Variants in EZH2 observed in about 807,000 individuals in gnomAD.
The protein encoded by EZH2 is histone-lysine N-methyltransferase EZH2.
EZH2 carries 18 observed loss-of-function variants against 98.4 expected under a neutral mutation model. The observed-to-expected ratio is 0.18, with a 90% confidence interval of 0.13 to 0.27. The LOEUF (loss-of-function observed/expected upper bound fraction) is 0.27. Ranked by LOEUF, EZH2 falls within the 10% of genes least tolerant of loss-of-function variation. The pLI, the probability that EZH2 is intolerant of heterozygous loss-of-function variation, is 1.00. For synonymous variants in EZH2, 338 were observed against 312.3 expected (o/e 1.08, Z -0.87); for missense variants, 470 against 935.1 (o/e 0.50, Z 6.49).
chr7:148,808,923 C>T, intron 19 of EZH2, 148 bp downstream of exon 19: 2 of 622,868 alleles, frequency 3.2e-6, no homozygotes, highest in Non-Finnish European at 5.7e-6. Flanking sequence ...AAATACATAA[C>T]AGGAAAGTGT....
At chr7:148,867,245 G>C (rs1354124786) in intron 1 of EZH2, among the ~76,000 whole-genome samples, 1 of 151,944 alleles carries the variant, frequency 6.6e-6, no homozygotes, top group Admixed American at 6.5e-5. Context: ...AGAATCACTT[G>C]AACCCAGGAG....
chr7:148,879,320 G>A (rs891045259), intron 1 of EZH2, among the ~76,000 whole-genome samples: 2 of 152,044 alleles, frequency 1.3e-5, no homozygotes, highest in African/African-American at 4.8e-5. Context: ...GGAGGACGAG[G>A]CAGGTCAATC....
At chr7:148,841,432 G>A (rs1812407134) in intron 3 of EZH2, among the ~76,000 whole-genome samples, 1 of 152,160 alleles carries the variant, frequency 6.6e-6, no homozygotes. Flanking sequence ...AGGAGCTACA[G>A]AAAGCAACTC....
intron 5 of EZH2, among the ~76,000 whole-genome samples, chr7:148,829,332 A>G (rs1235746262): frequency 2.0e-5 from 3 of 152,190 alleles, no homozygotes; most frequent in African/African-American, 7.2e-5. Context: ...CAGGTACTGT[A>G]GTCCCTAGAG....
intron 1 of EZH2, among the ~76,000 whole-genome samples, chr7:148,873,484 T>A (rs1182278469): frequency 8.8e-6 from 1 of 114,210 alleles, no homozygotes; most frequent in Non-Finnish European, 1.7e-5. Flanking sequence ...AGAGTGAGAC[T>A]CTGTCTCAAA....
At chr7:148,866,665 CAT>C (rs1422592035) in intron 1 of EZH2, among the ~76,000 whole-genome samples, 1 of 144,656 alleles carries the variant, frequency 6.9e-6, no homozygotes, top group African/African-American at 2.5e-5. Context: ...TACGTATATG[CAT>C]ATATATGTAC....
At chr7:148,856,817 TTAAA>T (rs558946733) in intron 1 of EZH2, among the ~76,000 whole-genome samples, 16 of 152,154 alleles carry the variant, frequency 1.1e-4, no homozygotes, top group Non-Finnish European at 1.8e-4. Flanking sequence ...AAATAAGTGA[TTAAA>T]TAAACAACTG....
At chr7:148,880,889 G>A (rs1331863729) in intron 1 of EZH2, among the ~76,000 whole-genome samples, 2 of 152,208 alleles carry the variant, frequency 1.3e-5, no homozygotes, top group Non-Finnish European at 2.9e-5. Flanking sequence ...AGGGAAGAGA[G>A]GGATGCATAA....
chr7:148,837,646 G>A (rs1346345667), intron 3 of EZH2, among the ~76,000 whole-genome samples: 1 of 152,160 alleles, frequency 6.6e-6, no homozygotes, highest in Non-Finnish European at 1.5e-5. Flanking sequence ...AATAATGGAA[G>A]TGAATTCATA....
chr7:148,855,698 G>A (rs1816701409), intron 1 of EZH2, among the ~76,000 whole-genome samples: 1 of 152,030 alleles, frequency 6.6e-6, no homozygotes, highest in African/African-American at 2.4e-5. Context: ...AAGAGTTCAA[G>A]ACCAGCCTGC....
intron 1 of EZH2, among the ~76,000 whole-genome samples, chr7:148,877,272 A>C (rs185854549): frequency 2.0e-3 from 304 of 152,314 alleles, no homozygotes; most frequent in African/African-American, 7.0e-3. Flanking sequence ...AAATGTCTAC[A>C]TTGTTTCAGT....
intron 19 of EZH2, among the ~76,000 whole-genome samples, chr7:148,808,368 G>C (rs734004): frequency 0.66 from 99,892 of 152,190 alleles, 33,209 homozygotes; most frequent in African/African-American, 0.76. Context: ...GCCTGAATAT[G>C]CAAGAACACA....
chr7:148,858,136 C>CA (rs1416717469), intron 1 of EZH2, among the ~76,000 whole-genome samples: 1 of 151,574 alleles, frequency 6.6e-6, no homozygotes, highest in Non-Finnish European at 1.5e-5. Flanking sequence ...ACTAAAAATA[C>CA]AAAAAATTAG....
intron 8 of EZH2, among the ~76,000 whole-genome samples, chr7:148,823,903 C>G (rs1806909312): frequency 6.6e-6 from 1 of 152,142 alleles, no homozygotes; most frequent in Admixed American, 6.5e-5. Context: ...GAGCCAGGTA[C>G]CATTTTAAGT....
intron 1 of EZH2, among the ~76,000 whole-genome samples, chr7:148,863,252 T>C (rs959684263): frequency 6.6e-6 from 1 of 152,062 alleles, no homozygotes; most frequent in African/African-American, 2.4e-5. Flanking sequence ...AGACAATATA[T>C]TCAAATTATA....
At chr7:148,873,225 C>T (rs1819667853) in intron 1 of EZH2, among the ~76,000 whole-genome samples, 1 of 151,928 alleles carries the variant, frequency 6.6e-6, no homozygotes, top group African/African-American at 2.4e-5. Context: ...GGCATGGTGG[C>T]TCATGCCTGT....
intron 1 of EZH2, among the ~76,000 whole-genome samples, chr7:148,859,416 G>A (rs1817339486): frequency 6.6e-6 from 1 of 152,092 alleles, no homozygotes; most frequent in Non-Finnish European, 1.5e-5. Context: ...TGAGGCATGA[G>A]AATCACTTGA....
intron 14 of EZH2, 43 bp from the exon 15 acceptor site, chr7:148,814,180 C>A (rs2129469883): frequency 1.3e-6 from 2 of 1,585,130 alleles, no homozygotes; most frequent in Non-Finnish European, 8.6e-7. Flanking sequence ...TCACCGTATG[C>A]AAAAACTTGC....
At chr7:148,833,065 CATTT>C (rs1358753768) in intron 3 of EZH2, among the ~76,000 whole-genome samples, 1 of 152,196 alleles carries the variant, frequency 6.6e-6, no homozygotes, top group African/African-American at 2.4e-5. Context: ...TTTTCCTATA[CATTT>C]ATTTCCTAGC....
Sources: gnomAD v4.1 joint callset for allele counts (sites outside exome capture counted in the v4.1 genomes callset) on GRCh38, gnomAD v4.1.1 for gene constraint, MANE v1.5 for transcripts, NCBI Gene and HGNC (gene_info 2026-07-23, HGNC 2026-07-21) for gene names.